LY86: variants seen among roughly 807,000 people sequenced by gnomAD.
LY86 encodes the protein MD-1, RP105-associated.
A neutral mutation model predicts 17.3 loss-of-function variants in LY86; 20 were observed. That is an observed-to-expected ratio of 1.15 (90% CI 0.81 to 1.68). The LOEUF (loss-of-function observed/expected upper bound fraction) is 1.68, where lower values mean the gene tolerates loss of function less well. Among genes scored for constraint, LY86 ranks in the 40% most tolerant of loss-of-function variants. The pLI, the probability that LY86 is intolerant of heterozygous loss-of-function variation, is 0.00. For missense variants in LY86, 200 were observed against 191.9 expected, an observed-to-expected ratio of 1.04 and a Z score of -0.25; for synonymous variants, 74 against 70.6, an observed-to-expected ratio of 1.05 and a Z score of -0.24.
At chr6:6,607,135 G>A (rs914792250) in intron 1 of LY86, among the ~76,000 whole-genome samples, 22 of 152,260 alleles carry the variant, frequency 1.4e-4, no homozygotes, top group African/African-American at 4.6e-4. Flanking sequence ...AGGGGCTGGT[G>A]AGTGAACATT....
chr6:6,641,327 G>T (rs1762036376), intron 3 of LY86, among the ~76,000 whole-genome samples: 1 of 152,182 alleles, frequency 6.6e-6, no homozygotes, highest in African/African-American at 2.4e-5. Flanking sequence ...GGACACTTGT[G>T]CGCTATTCAG....
intron 3 of LY86, among the ~76,000 whole-genome samples, chr6:6,638,229 AT>A (rs1310933198): frequency 1.3e-5 from 2 of 152,272 alleles, no homozygotes; most frequent in Non-Finnish European, 2.9e-5. Context: ...TATGAAAAAA[AT>A]AATGTAAATA....
intron 1 of LY86, among the ~76,000 whole-genome samples, chr6:6,606,620 G>T (rs927418271): frequency 2.6e-5 from 4 of 152,226 alleles, no homozygotes; most frequent in African/African-American, 9.6e-5. Context: ...CTGCCACGCG[G>T]GGAGGAAGCT....
intron 3 of LY86, among the ~76,000 whole-genome samples, chr6:6,643,943 A>G (rs1184295638): frequency 6.6e-6 from 1 of 152,244 alleles, no homozygotes; most frequent in Non-Finnish European, 1.5e-5. Context: ...AAGGGACTCA[A>G]AATGCTAGGT....
chr6:6,628,314 C>T (rs1398100333), intron 3 of LY86, among the ~76,000 whole-genome samples: 1 of 137,848 alleles, frequency 7.3e-6, no homozygotes, highest in African/African-American at 2.7e-5. Flanking sequence ...TCCTTCTCTC[C>T]CTTCTCTCCC....
At chr6:6,612,447 G>T (rs980817325) in intron 1 of LY86, among the ~76,000 whole-genome samples, 2 of 152,106 alleles carry the variant, frequency 1.3e-5, no homozygotes, top group Non-Finnish European at 2.9e-5. Flanking sequence ...ACCTTCATGG[G>T]GAGTGTTACA....
intron 1 of LY86, among the ~76,000 whole-genome samples, chr6:6,605,711 C>A (rs756063650): frequency 1.6e-4 from 25 of 151,954 alleles, no homozygotes; most frequent in African/African-American, 5.3e-4. Flanking sequence ...AGCCGCGGAA[C>A]CTCGCGGTGA....
chr6:6,617,563 A>G (rs146674018), intron 1 of LY86, among the ~76,000 whole-genome samples: 2 of 152,216 alleles, frequency 1.3e-5, no homozygotes, highest in Non-Finnish European at 2.9e-5. Flanking sequence ...ATGAAGTATT[A>G]TACATACGAT....
intron 1 of LY86, among the ~76,000 whole-genome samples, chr6:6,612,172 T>G (rs1761369589): frequency 6.9e-6 from 1 of 145,860 alleles, no homozygotes. Flanking sequence ...TTGGGGGTTC[T>G]TGGTCTCACT....
intron 1 of LY86, among the ~76,000 whole-genome samples, chr6:6,606,618 C>G (rs971571869): frequency 6.6e-6 from 1 of 152,190 alleles, no homozygotes; most frequent in African/African-American, 2.4e-5. Context: ...CCCTGCCACG[C>G]GGGGAGGAAG....
intron 1 of LY86, among the ~76,000 whole-genome samples, chr6:6,601,157 A>G (rs1760894746): frequency 6.6e-6 from 1 of 152,084 alleles, no homozygotes; most frequent in South Asian, 2.1e-4. Flanking sequence ...AACAATGAAC[A>G]GGAGACTCTT....
intron 3 of LY86, among the ~76,000 whole-genome samples, chr6:6,646,536 T>C (rs1383476705): frequency 6.6e-6 from 1 of 152,192 alleles, no homozygotes; most frequent in Admixed American, 6.5e-5. Flanking sequence ...CTGGATATCT[T>C]ACAGCCTGTA....
intron 1 of LY86, among the ~76,000 whole-genome samples, chr6:6,604,963 T>C (rs1298087876): frequency 2.0e-5 from 3 of 152,056 alleles, no homozygotes; most frequent in South Asian, 2.1e-4. Context: ...TAGAATTCTA[T>C]ATACAGTATA....
At chr6:6,613,352 G>A (rs1249923586) in intron 1 of LY86, among the ~76,000 whole-genome samples, 1 of 152,232 alleles carries the variant, frequency 6.6e-6, no homozygotes, top group Non-Finnish European at 1.5e-5. Flanking sequence ...GGGAGGCTTG[G>A]CCTGCTCATA....
chr6:6,641,108 C>A (rs572006004), intron 3 of LY86, among the ~76,000 whole-genome samples: 1 of 152,312 alleles, frequency 6.6e-6, no homozygotes, highest in East Asian at 1.9e-4. Flanking sequence ...ACACGCTGAC[C>A]CTTCACACAG....
At chr6:6,641,251 A>G (rs936012686) in intron 3 of LY86, among the ~76,000 whole-genome samples, 1 of 152,234 alleles carries the variant, frequency 6.6e-6, no homozygotes, top group Admixed American at 6.5e-5. Context: ...AGAGTCCCAA[A>G]GTTTTCAAAT....
At chr6:6,597,668 G>A (rs1760757410) in intron 1 of LY86, among the ~76,000 whole-genome samples, 1 of 152,218 alleles carries the variant, frequency 6.6e-6, no homozygotes, top group African/African-American at 2.4e-5. Context: ...TAGGTAGTGT[G>A]CACGTCAGCA....
At chr6:6,597,774 G>A (rs1191721861) in intron 1 of LY86, among the ~76,000 whole-genome samples, 1 of 152,248 alleles carries the variant, frequency 6.6e-6, no homozygotes, top group Non-Finnish European at 1.5e-5. Flanking sequence ...AACCAACACA[G>A]TGGCCAGGAA....
At chr6:6,628,892 T>A (rs772560497) in intron 3 of LY86, among the ~76,000 whole-genome samples, 1 of 152,254 alleles carries the variant, frequency 6.6e-6, no homozygotes, top group African/African-American at 2.4e-5. Context: ...AGGCTGCTTA[T>A]GCATGGCACA....
Sources: gnomAD v4.1 joint callset for allele counts (sites outside exome capture counted in the v4.1 genomes callset) on GRCh38, gnomAD v4.1.1 for gene constraint, MANE v1.5 for transcripts, NCBI Gene and HGNC (gene_info 2026-07-23, HGNC 2026-07-21) for gene names.